Variants in ATP9A observed in about 807,000 individuals in gnomAD.
ATP9A encodes probable phospholipid-transporting ATPase IIA.
In ATP9A, 52 loss-of-function variants were observed where a neutral mutation model predicts 144.1. The ratio of observed to expected loss-of-function variants is 0.36; its 90% CI spans 0.29 to 0.45. The LOEUF (loss-of-function observed/expected upper bound fraction) is 0.45, where lower values mean the gene tolerates loss of function less well. ATP9A is among the 20% of genes least tolerant of loss of function. The probability of loss-of-function intolerance (pLI) is 1.00; values close to 1 mark genes in which losing one functional copy is unlikely to be tolerated. For missense variants in ATP9A, 947 were observed against 1,392.7 expected, an observed-to-expected ratio of 0.68 and a Z score of 5.09; for synonymous variants, 582 against 557.4, an observed-to-expected ratio of 1.04 and a Z score of -0.62.
chr20:51,658,516 C>CTTTTTTT (rs35371153), intron 13 of ATP9A, among the ~76,000 whole-genome samples: 1 of 106,890 alleles, frequency 9.4e-6, no homozygotes, highest in Admixed American at 1.2e-4. Flanking sequence ...CCTATGCTTC[C>CTTTTTTT]TTTTTTTTTT....
intron 18 of ATP9A, among the ~76,000 whole-genome samples, chr20:51,624,926 A>C (rs2077241617): frequency 6.6e-6 from 1 of 151,018 alleles, no homozygotes; most frequent in Non-Finnish European, 1.5e-5. Flanking sequence ...AATTGCTTGA[A>C]TCCAGGAAGC....
intron 1 of ATP9A, among the ~76,000 whole-genome samples, chr20:51,764,817 G>A (rs1311587089): frequency 6.6e-6 from 1 of 152,070 alleles, no homozygotes; most frequent in Admixed American, 6.6e-5. Flanking sequence ...CACATCCTGG[G>A]TTCAAGCAAT....
intron 22 of ATP9A, among the ~76,000 whole-genome samples, chr20:51,616,077 T>C (rs1191352475): frequency 6.6e-6 from 1 of 152,228 alleles, no homozygotes; most frequent in African/African-American, 2.4e-5. Flanking sequence ...AAAACATGCT[T>C]CTTAAAAACT....
chr20:51,751,068 A>C (rs1344326278), intron 1 of ATP9A, among the ~76,000 whole-genome samples: 1 of 152,140 alleles, frequency 6.6e-6, no homozygotes, highest in African/African-American at 2.4e-5. Flanking sequence ...GGAAGGAAGA[A>C]GGGAGGGGCA....
chr20:51,655,461 T>C (rs1411594118), intron 14 of ATP9A, among the ~76,000 whole-genome samples: 5 of 148,102 alleles, frequency 3.4e-5, no homozygotes, highest in African/African-American at 1.2e-4. Flanking sequence ...AAAGTGAAAA[T>C]GGATAAAGGA....
chr20:51,767,006 G>A (rs2077907050), intron 1 of ATP9A, among the ~76,000 whole-genome samples: 1 of 151,646 alleles, frequency 6.6e-6, no homozygotes, highest in Non-Finnish European at 1.5e-5. Context: ...ATATCAGTGA[G>A]GCCTCTTCTT....
At chr20:51,636,048 T>C (rs1238574879) in intron 15 of ATP9A, among the ~76,000 whole-genome samples, 1 of 152,160 alleles carries the variant, frequency 6.6e-6, no homozygotes, top group Non-Finnish European at 1.5e-5. Context: ...TACATACCTA[T>C]GATAAAGTTT....
intron 15 of ATP9A, among the ~76,000 whole-genome samples, chr20:51,636,260 G>A (rs981200278): frequency 1.3e-5 from 2 of 152,158 alleles, no homozygotes; most frequent in South Asian, 2.1e-4. Context: ...ATTCATGTCC[G>A]GGAGGATGGA....
intron 1 of ATP9A, among the ~76,000 whole-genome samples, chr20:51,736,492 AT>A (rs60253299): frequency 2.1e-3 from 303 of 143,478 alleles, no homozygotes; most frequent in African/African-American, 5.3e-3. Context: ...AGTTACTCTT[AT>A]TTTTTTTTTT....
chr20:51,617,297 C>G (rs2077207160), intron 22 of ATP9A, among the ~76,000 whole-genome samples, 193 bp downstream of exon 22: 1 of 152,136 alleles, frequency 6.6e-6, no homozygotes, highest in Non-Finnish European at 1.5e-5. Flanking sequence ...AAAAAGCCAA[C>G]ATTCATCTGT....
At chr20:51,624,576 G>A (rs1208016364) in intron 18 of ATP9A, among the ~76,000 whole-genome samples, 1 of 152,144 alleles carries the variant, frequency 6.6e-6, no homozygotes, top group Non-Finnish European at 1.5e-5. Context: ...AGACCGGCGT[G>A]CTGATCACTC....
At chr20:51,603,448 T>C (rs766431863) in intron 27 of ATP9A, among the ~76,000 whole-genome samples, 1 of 152,112 alleles carries the variant, frequency 6.6e-6, no homozygotes, top group African/African-American at 2.4e-5. Flanking sequence ...CAAGTTCTAG[T>C]TGAACTAGAA....
chr20:51,710,341 C>T (rs1178752876), intron 4 of ATP9A, among the ~76,000 whole-genome samples: 1 of 152,018 alleles, frequency 6.6e-6, no homozygotes, highest in Non-Finnish European at 1.5e-5. Flanking sequence ...AGAAAGAAAA[C>T]AGTCCATCAT....
intron 4 of ATP9A, among the ~76,000 whole-genome samples, chr20:51,704,939 G>T (rs2077609047): frequency 6.6e-6 from 1 of 152,182 alleles, no homozygotes; most frequent in South Asian, 2.1e-4. Flanking sequence ...TTTGCTCACT[G>T]AATTGTCTTT....
chr20:51,601,990 TG>T (rs1456785407), intron 27 of ATP9A, among the ~76,000 whole-genome samples: 8 of 152,164 alleles, frequency 5.3e-5, no homozygotes, highest in Non-Finnish European at 1.5e-5. Context: ...GTCTAACAGT[TG>T]GAGAGTCTTT....
chr20:51,706,906 A>G (rs1339594636), intron 4 of ATP9A, among the ~76,000 whole-genome samples: 4 of 152,164 alleles, frequency 2.6e-5, no homozygotes, highest in African/African-American at 9.7e-5. Flanking sequence ...GCATGCCTGT[A>G]CTGTATATGA....
chr20:51,606,797 A>C (rs2077165396), intron 26 of ATP9A, among the ~76,000 whole-genome samples: 1 of 151,996 alleles, frequency 6.6e-6, no homozygotes, highest in Non-Finnish European at 1.5e-5. Flanking sequence ...GGATCACCTG[A>C]GCCTGGGGAG....
chr20:51,720,087 T>A (rs2077682330), intron 3 of ATP9A, among the ~76,000 whole-genome samples: 1 of 152,194 alleles, frequency 6.6e-6, no homozygotes, highest in African/African-American at 2.4e-5. Flanking sequence ...AGAATTTTTA[T>A]TCATTGTACT....
At chr20:51,757,622 G>A (rs1345409472) in intron 1 of ATP9A, among the ~76,000 whole-genome samples, 1 of 152,070 alleles carries the variant, frequency 6.6e-6, no homozygotes, top group Non-Finnish European at 1.5e-5. Context: ...AATAAAAGCA[G>A]GGCCAGGCAC....
Sources: allele counts gnomAD v4.1 joint callset (sites outside exome capture counted in the v4.1 genomes callset), GRCh38; gene constraint gnomAD v4.1.1; transcripts MANE v1.5; gene names NCBI Gene and HGNC (gene_info 2026-07-23, HGNC 2026-07-21).